COLEC12: variants seen among roughly 807,000 people sequenced by gnomAD.
COLEC12 encodes the protein collectin subfamily member 12, also known as collectin-12.
Under a neutral mutation model 71.1 loss-of-function variants are expected in COLEC12, and 33 were observed. The ratio of observed to expected loss-of-function variants is 0.46; its 90% CI spans 0.35 to 0.62. The LOEUF (loss-of-function observed/expected upper bound fraction) is 0.62. Among genes scored for constraint, COLEC12 ranks in the 20% least tolerant of loss-of-function variants. The pLI is 0.00. For synonymous variants in COLEC12, 350 were observed against 353.0 expected (o/e 0.99, Z 0.10); for missense variants, 765 against 916.1 (o/e 0.84, Z 2.13).
chr18:392,867 T>G (rs1452239363), intron 2 of COLEC12, among the ~76,000 whole-genome samples: 2 of 152,264 alleles, frequency 1.3e-5, no homozygotes, highest in Non-Finnish European at 2.9e-5. Context: ...CTAAACATCT[T>G]TGGAAAAGAT....
At chr18:446,265 T>C (rs965723490) in intron 2 of COLEC12, among the ~76,000 whole-genome samples, 2 of 152,180 alleles carry the variant, frequency 1.3e-5, no homozygotes, top group African/African-American at 2.4e-5. Flanking sequence ...TGTGTGTGTG[T>C]GTGCACGTGT....
intron 1 of COLEC12, among the ~76,000 whole-genome samples, chr18:487,488 G>C (rs1917541589): frequency 6.6e-6 from 1 of 152,176 alleles, no homozygotes; most frequent in Admixed American, 6.5e-5. Flanking sequence ...AAAAGAGAAG[G>C]AGTTGGAGCT....
Position 347,357 on chromosome 18 carries a change from T to C in COLEC12, c.281-16A>G. On this transcript the variant is annotated splice_polypyrimidine_tract_variant and intron_variant, in intron 4 of 9. Coordinates refer to ENST00000400256, the MANE Select transcript of COLEC12 (RefSeq NM_130386.3). ...GTTTGGTCACCTGGAATAAGAAATA[T>C]CTGTGACTTATATTGGTGGTATGGA... 6.2e-7 allele frequency: 1 copy of C among 1,601,108 alleles called. No individual in the cohort carries two copies. The highest frequency in any genetic ancestry group is 1.1e-5 in the South Asian group (1 of 89,848).
At chr18:384,761 A>G (rs1312005644) in intron 2 of COLEC12, among the ~76,000 whole-genome samples, 1 of 152,194 alleles carries the variant, frequency 6.6e-6, no homozygotes, top group African/African-American at 2.4e-5. Flanking sequence ...TAGGGGCTCA[A>G]TGGTTTGTCA....
chr18:357,274 ATGT>A (rs1914647805), intron 3 of COLEC12, 123 bp downstream of exon 3: 3 of 847,914 alleles, frequency 3.5e-6, no homozygotes, highest in Admixed American at 2.8e-5. Context: ...GAAGTTTATC[ATGT>A]TGTTATTTTG....
In COLEC12 at chr18:346,269, A is replaced by C. The variant is rs1914368039; in HGVS notation, c.1327+26T>G. 2 of 1,531,936 alleles carry C rather than the reference A, an allele frequency of 1.3e-6. No homozygotes were observed. Among genetic ancestry groups the C allele is most frequent in the South Asian group, 1.2e-5 (1 of 83,018 alleles). The allele number at this position is 1,531,936 out of a possible 1,614,324, so 94.9% of individuals were successfully genotyped here. ...TATGCAGCAATAAACAACTAATACA[A>C]ATACAAATTCAGAATTTTGACTTAC... is the stretch of plus-strand genomic sequence containing the variant. On this transcript the variant is annotated intron_variant, in intron 5 of 9. Transcript: ENST00000400256. The surrounding 1 kb of genome is among the most constrained non-coding windows in gnomAD (Gnocchi z 4.0).
intron 9 of COLEC12, among the ~76,000 whole-genome samples, chr18:320,731 T>C (rs2143398882): frequency 6.6e-6 from 1 of 152,308 alleles, no homozygotes; most frequent in Non-Finnish European, 1.5e-5. Context: ...AGAAACCCCA[T>C]ACCCATTAGC....
rs1398485412 is a variant in COLEC12, at chr18:500,516, G to A, written c.-2C>T. On this transcript the variant is annotated 5_prime_UTR_variant, in exon 1 of 10. Transcript: ENST00000400256. This position sits in a 1 kb window ranked among gnomAD's most constrained non-coding sequence, Gnocchi z 5.3. Reference sequence around the variant, plus strand: ...AGCTGCCGCCGCCCTACCTTTCATGGTGACCGTGGGGACGCACCGCCGGCC... The same window carrying A: ...AGCTGCCGCCGCCCTACCTTTCATGATGACCGTGGGGACGCACCGCCGGCC... The A allele has an allele frequency of 4.1e-6, 5 of 1,230,682 alleles. No homozygotes were observed. The highest frequency in any genetic ancestry group is 1.6e-5 in the African/African-American group (1 of 63,898). The allele number at this position is 1,230,682 out of a possible 1,614,324, so 76.2% of individuals were successfully genotyped here. A position where few individuals can be genotyped will look rare whatever the true frequency, so the allele number is the denominator to read the frequency against.
At chr18:394,247 A>G (rs1915521903) in intron 2 of COLEC12, among the ~76,000 whole-genome samples, 1 of 152,226 alleles carries the variant, frequency 6.6e-6, no homozygotes, top group Non-Finnish European at 1.5e-5. Context: ...GAGTCCAGAA[A>G]GGAGGGTGGG....
At chr18:441,121 G>A (rs1344832894) in intron 2 of COLEC12, among the ~76,000 whole-genome samples, 2 of 82,704 alleles carry the variant, frequency 2.4e-5, no homozygotes, top group Non-Finnish European at 5.6e-5. Context: ...GGTGGCGGGC[G>A]CCTGTAGTCC....
At chr18:493,918 C>T (rs139314122) in intron 1 of COLEC12, among the ~76,000 whole-genome samples, 66 of 152,050 alleles carry the variant, frequency 4.3e-4, no homozygotes, top group African/African-American at 1.4e-3. Flanking sequence ...TGGATAAAAC[C>T]GGACACTGGA....
intron 8 of COLEC12, among the ~76,000 whole-genome samples, chr18:330,467 C>A (rs1913947198): frequency 6.6e-6 from 1 of 151,444 alleles, no homozygotes; most frequent in South Asian, 2.1e-4. Context: ...CCGTCCCCAG[C>A]AAACTAAAGG....
At chr18:391,050 G>T (rs1314573116) in intron 2 of COLEC12, among the ~76,000 whole-genome samples, 1 of 152,150 alleles carries the variant, frequency 6.6e-6, no homozygotes, top group African/African-American at 2.4e-5. Context: ...ACAAAAACCT[G>T]AATTTCCGGT....
intron 1 of COLEC12, among the ~76,000 whole-genome samples, chr18:494,575 C>T (rs184901127): frequency 6.6e-6 from 1 of 152,294 alleles, no homozygotes; most frequent in South Asian, 2.1e-4. Flanking sequence ...TCGCCCAGCA[C>T]ACAGAAATGA....
chr18:389,254 AT>A (rs35325003), intron 2 of COLEC12, among the ~76,000 whole-genome samples: 22,748 of 141,646 alleles, frequency 0.16, 1,696 homozygotes, highest in East Asian at 0.26. Context: ...CTGTGCAGCA[AT>A]TTTTTTTTTT....
At chr18:323,040 C>T (rs1291593084) in intron 8 of COLEC12, among the ~76,000 whole-genome samples, 2 of 152,190 alleles carry the variant, frequency 1.3e-5, no homozygotes, top group East Asian at 3.9e-4. Flanking sequence ...GCCTGGCCAA[C>T]ATGGCGAAAC....
chr18:377,879 G>C (rs982985204), intron 2 of COLEC12, among the ~76,000 whole-genome samples: 2 of 151,854 alleles, frequency 1.3e-5, no homozygotes, highest in Non-Finnish European at 2.9e-5. Flanking sequence ...GAGGAGTGGG[G>C]CTGGGGGAAA....
intron 2 of COLEC12, among the ~76,000 whole-genome samples, chr18:433,431 G>A (rs2186830): frequency 0.3 from 45,951 of 151,916 alleles, 7,325 homozygotes; most frequent in East Asian, 0.48. Flanking sequence ...GGTAAGTCCC[G>A]AGAAACCTCA....
chr18:366,880 T>G (rs1343620022), intron 2 of COLEC12, among the ~76,000 whole-genome samples: 6 of 152,106 alleles, frequency 3.9e-5, no homozygotes, highest in Non-Finnish European at 7.4e-5. Flanking sequence ...GGCCTGACAG[T>G]TAAAACACTG....
Sources: gnomAD v4.1 joint callset for allele counts (sites outside exome capture counted in the v4.1 genomes callset) on GRCh38, gnomAD v4.1.1 for gene constraint, Gnocchi (gnomAD v3.1) non-coding constraint, MANE v1.5 for transcripts, NCBI Gene and HGNC (gene_info 2026-07-23, HGNC 2026-07-21) for gene names.